The following ABTB3 variants were observed in gnomAD, a reference collection of about 807,000 sequenced individuals.
ABTB3 encodes ankyrin repeat and BTB domain containing 3.
the ABTB3 span, among the ~76,000 whole-genome samples, chr12:107,533,097 C>T: frequency 2.6e-5 from 4 of 152,128 alleles, no homozygotes; most frequent in South Asian, 4.2e-4. Flanking sequence ...ATAAAACTCA[C>T]TGATAGAGCA....
At chr12:107,376,855 C>T in the ABTB3 span, among the ~76,000 whole-genome samples, 1 of 152,250 alleles carries the variant, frequency 6.6e-6, no homozygotes, top group East Asian at 1.9e-4. Context: ...TCTCAGCAGC[C>T]CTGTTGTTCA....
the ABTB3 span, among the ~76,000 whole-genome samples, chr12:107,489,709 T>C: frequency 1.3e-5 from 2 of 152,158 alleles, no homozygotes; most frequent in Admixed American, 6.5e-5. Flanking sequence ...CCCCAACGAA[T>C]GGAATAGTTT....
At chr12:107,606,787 G>T in the ABTB3 span, among the ~76,000 whole-genome samples, 1 of 152,256 alleles carries the variant, frequency 6.6e-6, no homozygotes, top group Non-Finnish European at 1.5e-5. Context: ...TCTATAGTGA[G>T]TCAAATCTGA....
the ABTB3 span, among the ~76,000 whole-genome samples, chr12:107,436,083 C>G: frequency 2.6e-5 from 4 of 152,238 alleles, no homozygotes; most frequent in Non-Finnish European, 4.4e-5. Context: ...AAAAATAGAA[C>G]CCACTGGCTG....
chr12:107,566,680 C>CACAA, the ABTB3 span, among the ~76,000 whole-genome samples: 3 of 151,370 alleles, frequency 2.0e-5, no homozygotes, highest in African/African-American at 4.9e-5. Context: ...CACACACACA[C>CACAA]ACACAAACAT....
chr12:107,426,016 G>A, the ABTB3 span, among the ~76,000 whole-genome samples: 6 of 152,300 alleles, frequency 3.9e-5, no homozygotes, highest in African/African-American at 7.2e-5. Context: ...TTTCTAGCAC[G>A]GGCTTCCTGG....
the ABTB3 span, among the ~76,000 whole-genome samples, chr12:107,594,279 A>G: frequency 8.6e-4 from 131 of 152,326 alleles, 2 homozygotes; most frequent in African/African-American, 3.1e-3. Flanking sequence ...TGCTTTTGAA[A>G]TAAATATTTT....
the ABTB3 span, among the ~76,000 whole-genome samples, chr12:107,636,752 G>A: frequency 7.2e-5 from 11 of 152,292 alleles, no homozygotes; most frequent in East Asian, 1.9e-4. Context: ...AGGGCAACAC[G>A]TTATAAAGAC....
the ABTB3 span, chr12:107,614,973 C>CCCA: frequency 9.1e-7 from 1 of 1,104,704 alleles, no homozygotes; most frequent in South Asian, 1.4e-5. Context: ...CCATCTCTAG[C>CCCA]CCATGTGCCC....
the ABTB3 span, among the ~76,000 whole-genome samples, chr12:107,344,547 C>A: frequency 6.6e-6 from 1 of 152,336 alleles, no homozygotes; most frequent in South Asian, 2.1e-4. Flanking sequence ...TTCTCTAAGA[C>A]CTCATCCCCA....
At chr12:107,612,682 G>A in the ABTB3 span, 18 of 1,161,334 alleles carry the variant, frequency 1.5e-5, no homozygotes, top group Admixed American at 1.3e-4. Flanking sequence ...CACAAGCATG[G>A]CCTCCGAAAC....
At chr12:107,474,367 C>G in the ABTB3 span, among the ~76,000 whole-genome samples, 1 of 152,130 alleles carries the variant, frequency 6.6e-6, no homozygotes, top group Admixed American at 6.5e-5. Context: ...CTGAGTCAGG[C>G]CCCTGGGACG....
At chr12:107,423,212 A>C in the ABTB3 span, among the ~76,000 whole-genome samples, 2 of 152,356 alleles carry the variant, frequency 1.3e-5, no homozygotes, top group Middle Eastern at 3.4e-3. Context: ...GAGGATAATA[A>C]GAATTTTTTC....
chr12:107,651,653 G>A, the ABTB3 span: 11 of 1,589,664 alleles, frequency 6.9e-6, no homozygotes, highest in Non-Finnish European at 9.5e-6. Flanking sequence ...GCCTCTAACA[G>A]ACTCTTTTTG....
At chr12:107,345,167 T>C in the ABTB3 span, among the ~76,000 whole-genome samples, 1 of 152,186 alleles carries the variant, frequency 6.6e-6, no homozygotes, top group Non-Finnish European at 1.5e-5. Flanking sequence ...GGGTATTTAG[T>C]GCATAGAGAT....
At chr12:107,454,798 T>C in the ABTB3 span, among the ~76,000 whole-genome samples, 1 of 152,186 alleles carries the variant, frequency 6.6e-6, no homozygotes, top group Non-Finnish European at 1.5e-5. Flanking sequence ...CCTTTTCCTC[T>C]CATATTTGTA....
the ABTB3 span, among the ~76,000 whole-genome samples, chr12:107,389,449 G>A: frequency 6.6e-5 from 10 of 152,056 alleles, no homozygotes; most frequent in East Asian, 1.9e-4. Flanking sequence ...TGATAGAGCC[G>A]GACAGTCTGA....
At chr12:107,337,170 G>A in the ABTB3 span, among the ~76,000 whole-genome samples, 5 of 152,380 alleles carry the variant, frequency 3.3e-5, no homozygotes, top group Non-Finnish European at 7.3e-5. Flanking sequence ...TTCTCCGGGC[G>A]CAGCCCCGCT....
At chr12:107,503,768 A>T in the ABTB3 span, among the ~76,000 whole-genome samples, 1 of 150,864 alleles carries the variant, frequency 6.6e-6, no homozygotes, top group African/African-American at 2.4e-5. Context: ...AAAAAAAAAA[A>T]AAAAAAGAAG....
Sources: allele counts gnomAD v4.1 joint callset (sites outside exome capture counted in the v4.1 genomes callset), GRCh38; gene constraint gnomAD v4.1.1; transcripts MANE v1.5; gene names NCBI Gene and HGNC (gene_info 2026-07-23, HGNC 2026-07-21).